C11orf65: variants seen among roughly 807,000 people sequenced by gnomAD.
C11orf65 encodes chromosome 11 open reading frame 65.
A neutral mutation model predicts 35.3 loss-of-function variants in C11orf65; 38 were observed. The ratio of observed to expected loss-of-function variants is 1.08; its 90% CI spans 0.83 to 1.41. The LOEUF is 1.41. C11orf65 is among the 40% of genes most tolerant of loss of function. C11orf65 has a pLI of 0.00. For synonymous variants in C11orf65, 105 were observed against 114.4 expected (o/e 0.92, Z 0.53); for missense variants, 370 against 367.1 (o/e 1.01, Z -0.06).
At chr11:108,376,664 C>T (rs1030165403) in intron 2 of C11orf65, among the ~76,000 whole-genome samples, 1 of 151,992 alleles carries the variant, frequency 6.6e-6, no homozygotes, top group African/African-American at 2.4e-5. Flanking sequence ...ACACAAAAAA[C>T]CGTTCAAAAA....
At position 108,406,800 on chromosome 11, in the gene C11orf65, CGAT is replaced by C; in HGVS notation, c.389_391del (p.His130del). ...TGGCCTCCAGCCATTGTTTTCTATA[CGAT>C]GATACCAGCCACTATGATCCTCTTC... On this transcript the variant is annotated inframe_deletion, in exon 5 of 9. Transcript: ENST00000393084. 1.9e-6 allele frequency: 3 copies of C among 1,611,588 alleles called. No homozygotes were observed. Among genetic ancestry groups the C allele is most frequent in the Non-Finnish European group, 1.7e-6 (2 of 1,178,664 alleles).
intron 6 of C11orf65, chr11:108,317,672 C>CA (rs1336501010): frequency 8.8e-6 from 2 of 228,314 alleles, no homozygotes. Context: ...CACACACACA[C>CA]ACTATATATA....
At chr11:108,340,923 ATTG>A (rs1488284274) in intron 2 of C11orf65, among the ~76,000 whole-genome samples, 7 of 151,926 alleles carry the variant, frequency 4.6e-5, no homozygotes, top group Non-Finnish European at 1.0e-4. Context: ...TTTTTATTGT[ATTG>A]TTTTTATTGA....
At chr11:108,458,442 T>A (rs965258356) in intron 2 of C11orf65, among the ~76,000 whole-genome samples, 1 of 150,926 alleles carries the variant, frequency 6.6e-6, no homozygotes, top group Non-Finnish European at 1.5e-5. Context: ...AGAGTCAGCA[T>A]GGTCTTCAAA....
chr11:108,451,867 C>T (rs1347254969), intron 2 of C11orf65, among the ~76,000 whole-genome samples: 3 of 152,202 alleles, frequency 2.0e-5, no homozygotes, highest in African/African-American at 7.2e-5. Flanking sequence ...CTACAACCAT[C>T]TGATCTTTGA....
chr11:108,327,373 A>G (rs368002466), downstream of C11orf65: 626 of 395,288 alleles, frequency 1.6e-3, 4 homozygotes, highest in African/African-American at 0.012. Flanking sequence ...GTTAATATAT[A>G]TAAAGCCTTT....
Position 108,321,353 on chromosome 11 carries a change from C to G in C11orf65, c.641-12282G>C, listed in dbSNP as rs1064794157. 6.2e-7 allele frequency: 1 copy of G among 1,614,074 alleles called. No individual in the cohort carries two copies. Among genetic ancestry groups the G allele is most frequent in the African/African-American group, 1.3e-5 (1 of 74,938 alleles). ...GCGCAGCCTTGAGTCTGTGTATTCG[C>G]TCTATCCCACACTTAGCAGGTTGCA... On this transcript the variant is annotated intron_variant, in intron 6 of 6. Transcript: ENST00000525729.
intron 2 of C11orf65, among the ~76,000 whole-genome samples, chr11:108,349,859 G>A (rs1012150105): frequency 3.9e-5 from 6 of 152,142 alleles, no homozygotes; most frequent in South Asian, 2.1e-4. Context: ...TAAAGTACGT[G>A]AGTCTGATAG....
intron 3 of C11orf65, among the ~76,000 whole-genome samples, chr11:108,431,544 T>C (rs1405716361): frequency 8.5e-5 from 13 of 152,212 alleles, no homozygotes; most frequent in Non-Finnish European, 1.9e-4. Flanking sequence ...ATGAAAACAT[T>C]GATCTGGGTG....
chr11:108,450,442 C>A (rs556318828), intron 2 of C11orf65, among the ~76,000 whole-genome samples: 3 of 151,358 alleles, frequency 2.0e-5, no homozygotes, highest in Non-Finnish European at 4.4e-5. Context: ...TACTATGCAG[C>A]CATAAAAAAT....
chr11:108,421,949 TG>T (rs2092823358), intron 3 of C11orf65, among the ~76,000 whole-genome samples: 1 of 152,218 alleles, frequency 6.6e-6, no homozygotes, highest in African/African-American at 2.4e-5. Context: ...TCTTTTTTTT[TG>T]AGACGAAGTC....
downstream of C11orf65, among the ~76,000 whole-genome samples, chr11:108,379,018 C>T (rs545788885): frequency 3.9e-4 from 60 of 152,266 alleles, no homozygotes; most frequent in Non-Finnish European, 6.3e-4. Context: ...AACCCTTTTA[C>T]ACTGTTGGTG....
At chr11:108,457,386 G>T (rs1565726310) in intron 2 of C11orf65, among the ~76,000 whole-genome samples, 1 of 152,146 alleles carries the variant, frequency 6.6e-6, no homozygotes, top group Non-Finnish European at 1.5e-5. Flanking sequence ...GCTCACACCT[G>T]TAATCCCAGC....
At chr11:108,321,179 G>C (rs1298053869) in intron 6 of C11orf65, 1 of 1,297,830 alleles carries the variant, frequency 7.7e-7, no homozygotes, top group Non-Finnish European at 1.1e-6. Context: ...ACTGTTGCTT[G>C]TTAGTATTAT....
At chr11:108,443,713 A>G (rs2093200564) in intron 2 of C11orf65, among the ~76,000 whole-genome samples, 1 of 152,222 alleles carries the variant, frequency 6.6e-6, no homozygotes. Context: ...CTGCTCCTGA[A>G]TGACTACTGG....
chr11:108,336,122 C>T (rs1299922090), intron 2 of C11orf65: 2 of 589,214 alleles, frequency 3.4e-6, no homozygotes, highest in African/African-American at 3.8e-5. Flanking sequence ...CATAGTGAGA[C>T]CCCATCTTGA....
At position 108,308,926 on chromosome 11, in the gene C11orf65, T is replaced by C. The variant is rs902572052; in HGVS notation, c.*45A>G. The C allele has an allele frequency of 2.7e-5, 31 of 1,160,296 alleles. No homozygotes were observed. In the Admixed American group the frequency reaches 6.0e-4, roughly 22 times the overall value. The allele number at this position is 1,160,296 out of a possible 1,614,324, so 71.9% of individuals were successfully genotyped here. A position where few individuals can be genotyped will look rare whatever the true frequency, so the allele number is the denominator to read the frequency against. ...AATGTAGTGGAGAGCATTTGTTTTC[T>C]TGGTGTTGGGAGGCAGTTTTACCTT... On this transcript the variant is annotated 3_prime_UTR_variant, in exon 7 of 7. Coordinates refer to the C11orf65 transcript ENST00000525729.
Position 108,353,845 on chromosome 11 carries a change from C to T in C11orf65, c.227-18553G>A, listed in dbSNP as rs779858366. 1.9e-6 allele frequency: 3 copies of T among 1,613,812 alleles called. No homozygotes were observed. The highest frequency in any genetic ancestry group is 2.5e-6 in the Non-Finnish European group (3 of 1,179,944). ...GACTCACCAGAGATATTGTGGATGG[C>T]ATGGGCATTACGGGTGTTGAAGGTG... is the stretch of plus-strand genomic sequence containing the variant. On this transcript the variant is annotated intron_variant, in intron 2 of 3. Coordinates refer to the C11orf65 transcript ENST00000524755.
intron 2 of C11orf65, among the ~76,000 whole-genome samples, chr11:108,358,784 T>A: frequency 6.8e-6 from 1 of 146,016 alleles, no homozygotes; most frequent in African/African-American, 2.5e-5. Context: ...CTAAAAGAGC[T>A]CCTGAAGGAA....
Sources: allele counts gnomAD v4.1 joint callset (sites outside exome capture counted in the v4.1 genomes callset), GRCh38; gene constraint gnomAD v4.1.1; transcripts MANE v1.5; gene names NCBI Gene and HGNC (gene_info 2026-07-23, HGNC 2026-07-21).